TCF7: variants seen among roughly 807,000 people sequenced by gnomAD.
TCF7 encodes transcription factor 7.
A neutral mutation model predicts 46.8 loss-of-function variants in TCF7; 19 were observed. That is an observed-to-expected ratio of 0.41 (90% CI 0.28 to 0.60). The LOEUF (loss-of-function observed/expected upper bound fraction) is 0.60. TCF7 is among the 20% of genes least tolerant of loss of function. TCF7 has a pLI of 0.35. For synonymous variants in TCF7, 245 were observed against 213.4 expected (o/e 1.15, Z -1.29); for missense variants, 547 against 504.6 (o/e 1.08, Z -0.81).
chr5:134,116,778 A>G (rs1755892673), intron 3 of TCF7, among the ~76,000 whole-genome samples: 1 of 152,270 alleles, frequency 6.6e-6, no homozygotes, highest in Admixed American at 6.5e-5. Context: ...TGAAGAGCCT[A>G]TTCTGAGTGT....
At chr5:134,111,541 A>G (rs538168398), upstream of TCF7, among the ~76,000 whole-genome samples, 1 of 152,154 alleles carries the variant, frequency 6.6e-6, no homozygotes, top group African/African-American at 2.4e-5. Flanking sequence ...CTCAGCAGAG[A>G]GATGGTACAC....
chr5:134,141,081 G>T, intron 5 of TCF7: 3 of 307,072 alleles, frequency 9.8e-6, no homozygotes, highest in South Asian at 7.5e-5. Flanking sequence ...CCTCAGCCTG[G>T]GCCACACCGT....
intron 3 of TCF7, among the ~76,000 whole-genome samples, chr5:134,129,137 T>C (rs1757751288): frequency 6.6e-6 from 1 of 152,218 alleles, no homozygotes; most frequent in Admixed American, 6.5e-5. Context: ...TTCTCTGTGC[T>C]TCACTTTCCT....
At chr5:134,145,918 C>G in intron 9 of TCF7, 1 of 1,519,842 alleles carries the variant, frequency 6.6e-7, no homozygotes, top group Non-Finnish European at 8.8e-7. Flanking sequence ...GCTCAAAGGC[C>G]GGGACTGGGA....
intron 3 of TCF7, among the ~76,000 whole-genome samples, chr5:134,121,510 A>T (rs1412823827): frequency 6.8e-6 from 1 of 147,962 alleles, no homozygotes; most frequent in African/African-American, 2.5e-5. Context: ...AATCGCTTGA[A>T]CCCGGGAGGT....
chr5:134,108,238 AC>A, the TCF7 span, among the ~76,000 whole-genome samples: 7,570 of 151,866 alleles, frequency 0.05, 603 homozygotes, highest in African/African-American at 0.17. Flanking sequence ...CCCACTCCCA[AC>A]CCCCACCCTG....
intron 3 of TCF7, among the ~76,000 whole-genome samples, chr5:134,117,978 A>T (rs1337607547): frequency 6.6e-6 from 1 of 152,174 alleles, no homozygotes; most frequent in Admixed American, 6.5e-5. Flanking sequence ...TTGGAGTGAC[A>T]CTCAGTGAGG....
chr5:134,114,433 G>A (rs1166742670), upstream of TCF7, among the ~76,000 whole-genome samples: 1 of 152,170 alleles, frequency 6.6e-6, no homozygotes, highest in Non-Finnish European at 1.5e-5. Flanking sequence ...GCAGAAAGCA[G>A]GGGGAATATC....
At chr5:134,145,543 C>T (rs1315895871) in intron 9 of TCF7, 1 of 618,654 alleles carries the variant, frequency 1.6e-6, no homozygotes, top group Admixed American at 2.8e-5. Flanking sequence ...CCAGGCCTGG[C>T]AGGGCTAAGA....
chr5:134,113,117 GC>G (rs973167638), upstream of TCF7, among the ~76,000 whole-genome samples: 2 of 152,116 alleles, frequency 1.3e-5, no homozygotes, highest in Admixed American at 6.5e-5. Context: ...GCAGGGCCGA[GC>G]CCCCCCTTCC....
chr5:134,120,140 G>T (rs1756370812), intron 3 of TCF7, among the ~76,000 whole-genome samples: 1 of 152,114 alleles, frequency 6.6e-6, no homozygotes. Context: ...GTGTCCAACA[G>T]ATGAAGACAG....
At chr5:134,114,099 G>A (rs1229325334), upstream of TCF7, among the ~76,000 whole-genome samples, 1 of 152,202 alleles carries the variant, frequency 6.6e-6, no homozygotes, top group Non-Finnish European at 1.5e-5. Flanking sequence ...GCACGCAACA[G>A]GAGCTCAATA....
At chr5:134,123,714 C>T (rs1193455616) in intron 3 of TCF7, 1 of 456,280 alleles carries the variant, frequency 2.2e-6, no homozygotes, top group Non-Finnish European at 4.4e-6. Flanking sequence ...GGTTCCAGAG[C>T]CTGGGAGAAG....
chr5:134,138,399 T>C (rs1193211068), intron 4 of TCF7, among the ~76,000 whole-genome samples: 1 of 152,228 alleles, frequency 6.6e-6, no homozygotes, highest in East Asian at 1.9e-4. Context: ...CTAAATCCCA[T>C]GGGTGACCCC....
At chr5:134,140,935 G>A (rs1204452735) in intron 5 of TCF7, 1 of 354,374 alleles carries the variant, frequency 2.8e-6, no homozygotes, top group Admixed American at 3.7e-5. Flanking sequence ...TGTTGCCCAG[G>A]CTTCAGAGCC....
chr5:134,140,532 A>G, intron 5 of TCF7: 1 of 329,548 alleles, frequency 3.0e-6, no homozygotes, highest in Non-Finnish European at 6.0e-6. Flanking sequence ...CTATACCGTC[A>G]AAGAAACAGA....
intron 9 of TCF7, chr5:134,145,167 A>T (rs1760501727): frequency 1.6e-6 from 1 of 615,492 alleles, no homozygotes; most frequent in African/African-American, 1.8e-5. Flanking sequence ...CTCAGCAAAC[A>T]GACAGCTCAG....
intron 3 of TCF7, among the ~76,000 whole-genome samples, chr5:134,124,552 G>A (rs1757069722): frequency 6.6e-6 from 1 of 152,100 alleles, no homozygotes; most frequent in Non-Finnish European, 1.5e-5. Flanking sequence ...GACTACTCTA[G>A]AGCCGGAGCA....
At chr5:134,112,922 C>T (rs780972922), upstream of TCF7, among the ~76,000 whole-genome samples, 1 of 152,162 alleles carries the variant, frequency 6.6e-6, no homozygotes, top group Non-Finnish European at 1.5e-5. Context: ...TTCTGGAGGA[C>T]GTTCCTGCTG....
Sources: allele counts gnomAD v4.1 joint callset (sites outside exome capture counted in the v4.1 genomes callset), GRCh38; gene constraint gnomAD v4.1.1; transcripts MANE v1.5; gene names NCBI Gene and HGNC (gene_info 2026-07-23, HGNC 2026-07-21).